SND1: variants seen among roughly 807,000 people sequenced by gnomAD.
The protein encoded by SND1 is staphylococcal nuclease and tudor domain containing 1.
A neutral mutation model predicts 121.7 loss-of-function variants in SND1; 38 were observed. The ratio of observed to expected loss-of-function variants is 0.31; its 90% CI spans 0.24 to 0.41. The LOEUF is 0.41. SND1 is among the 10% of genes least tolerant of loss of function. SND1 has a pLI of 1.00. For synonymous variants in SND1, 401 were observed against 447.4 expected (o/e 0.90, Z 1.31); for missense variants, 868 against 1,184.6 (o/e 0.73, Z 3.92).
At chr7:127,947,216 CA>C (rs1370024832) in intron 15 of SND1, among the ~76,000 whole-genome samples, 2 of 152,096 alleles carry the variant, frequency 1.3e-5, no homozygotes, top group African/African-American at 2.4e-5. Flanking sequence ...GAGATGTTAT[CA>C]GGGGTGAAAG....
rs114226558 is a variant in SND1, at chr7:127,936,100, G to A, written c.1669+6771G>A. On this transcript the variant is annotated intron_variant, in intron 15 of 23. Coordinates refer to ENST00000354725, the MANE Select transcript of SND1 (RefSeq NM_014390.4). ...GGTGGGGCTAGAGAAGTCAGCTGTAGCCAACAGGTCAGTGCCTCCTGAACG... is the reference window on the plus strand; with the variant it reads ...GGTGGGGCTAGAGAAGTCAGCTGTAACCAACAGGTCAGTGCCTCCTGAACG... Among the ~76,000 whole-genome samples the A allele has an allele frequency of 5.1e-3, 777 of 152,304 alleles. 15 individuals are homozygous for A. The highest frequency in any genetic ancestry group is 0.018 in the African/African-American group (744 of 41,562).
chr7:127,940,708 C>T (rs1326162085), intron 15 of SND1, among the ~76,000 whole-genome samples: 1 of 152,196 alleles, frequency 6.6e-6, no homozygotes. Context: ...GGTCATTGCT[C>T]ACCTTGAGTT....
intron 12 of SND1, among the ~76,000 whole-genome samples, chr7:127,866,153 A>AT (rs554115044): frequency 1.3e-5 from 2 of 152,268 alleles, no homozygotes; most frequent in African/African-American, 4.8e-5. Context: ...ATTCCTTTTC[A>AT]TATCGGCCAG....
intron 3 of SND1, among the ~76,000 whole-genome samples, chr7:127,697,150 A>G (rs1482602578): frequency 2.0e-5 from 3 of 152,192 alleles, no homozygotes; most frequent in African/African-American, 7.2e-5. Flanking sequence ...TTTGAAGACA[A>G]TATAATCACC....
At chr7:127,757,373 G>A (rs1255390926) in intron 10 of SND1, among the ~76,000 whole-genome samples, 1 of 152,160 alleles carries the variant, frequency 6.6e-6, no homozygotes, top group Non-Finnish European at 1.5e-5. Flanking sequence ...TGATAAAGCT[G>A]CTAATGAACA....
intron 15 of SND1, chr7:127,949,041 C>G (rs1218112537): frequency 6.6e-6 from 1 of 152,178 alleles, no homozygotes; most frequent in African/African-American, 2.4e-5. Context: ...TAGTAATTGC[C>G]AATACTGCTT....
intron 16 of SND1, among the ~76,000 whole-genome samples, chr7:127,994,147 C>T (rs1028502936): frequency 1.3e-5 from 2 of 152,176 alleles, no homozygotes; most frequent in Non-Finnish European, 2.9e-5. Flanking sequence ...AGTCTTTTAT[C>T]TCCGTTTTCA....
At chr7:127,752,387 G>A (rs184243441) in intron 10 of SND1, among the ~76,000 whole-genome samples, 3 of 152,244 alleles carry the variant, frequency 2.0e-5, no homozygotes, top group East Asian at 1.9e-4. Flanking sequence ...TACCTATTGT[G>A]TGCCAGCTAT....
intron 16 of SND1, among the ~76,000 whole-genome samples, chr7:128,034,890 T>A (rs1306095295): frequency 1.3e-5 from 2 of 152,242 alleles, no homozygotes; most frequent in East Asian, 3.8e-4. Context: ...CATCTAGCTA[T>A]GGCATCTTGC....
chr7:127,976,090 G>A (rs1003694169), intron 15 of SND1, among the ~76,000 whole-genome samples: 3 of 152,178 alleles, frequency 2.0e-5, no homozygotes, highest in African/African-American at 7.2e-5. Context: ...AGTGAGCACA[G>A]ACAAGTGCAC....
intron 12 of SND1, among the ~76,000 whole-genome samples, chr7:127,864,062 A>G (rs1460855187): frequency 6.6e-6 from 1 of 152,124 alleles, no homozygotes; most frequent in Non-Finnish European, 1.5e-5. Context: ...CTTGAGCAGA[A>G]CTTTTCTGAA....
chr7:127,773,720 G>T (rs1328481488), intron 10 of SND1, among the ~76,000 whole-genome samples: 1 of 152,058 alleles, frequency 6.6e-6, no homozygotes, highest in Admixed American at 6.6e-5. Context: ...GTTGAATTGT[G>T]CCCTCGCAGA....
At chr7:128,016,143 TC>T (rs199948481) in intron 16 of SND1, among the ~76,000 whole-genome samples, 3,185 of 138,414 alleles carry the variant, frequency 0.023, 192 homozygotes, top group African/African-American at 0.075. Flanking sequence ...AGGAACAACT[TC>T]CTTTTTTTTT....
chr7:127,862,754 T>A (rs1584626023), intron 12 of SND1, among the ~76,000 whole-genome samples: 1 of 150,840 alleles, frequency 6.6e-6, no homozygotes, highest in Non-Finnish European at 1.5e-5. Flanking sequence ...GTGTTGCGGA[T>A]GGATGGGTGC....
intron 1 of SND1, among the ~76,000 whole-genome samples, chr7:127,652,739 A>T (rs756906867): frequency 6.6e-6 from 1 of 152,218 alleles, no homozygotes; most frequent in East Asian, 1.9e-4. Context: ...TGATTGATTA[A>T]CAGAGACAAT....
At chr7:127,855,989 G>A (rs1185617244) in intron 12 of SND1, among the ~76,000 whole-genome samples, 1 of 152,156 alleles carries the variant, frequency 6.6e-6, no homozygotes, top group Non-Finnish European at 1.5e-5. Context: ...TGTTCCATTG[G>A]AGGCACTTTG....
chr7:127,680,283 T>C (rs1277577561), intron 1 of SND1, among the ~76,000 whole-genome samples: 2 of 152,196 alleles, frequency 1.3e-5, no homozygotes, highest in Non-Finnish European at 2.9e-5. Flanking sequence ...TTAAAATTGC[T>C]AATGAAGTTT....
At chr7:127,856,807 G>A (rs916068043) in intron 12 of SND1, among the ~76,000 whole-genome samples, 2 of 152,090 alleles carry the variant, frequency 1.3e-5, no homozygotes, top group Admixed American at 6.5e-5. Context: ...AATGAAAAAG[G>A]GATCATTTTG....
At position 128,029,342 on chromosome 7, in the gene SND1, G is replaced by A. The variant is rs1217588631; in HGVS notation, c.1779+38286G>A. 2.5e-6 allele frequency: 4 copies of A among 1,614,196 alleles called. No individual in the cohort carries two copies. Among genetic ancestry groups the A allele is most frequent in the Middle Eastern group, 1.6e-4 (1 of 6,062 alleles). The stretch of plus-strand genomic sequence containing the variant: ...TCACATTGAGGTAGGCCGAGGCGTT[G>A]GAGTTGCCTGCAACATTGGTCACCA... On this transcript the variant is annotated intron_variant, in intron 16 of 23. Coordinates refer to ENST00000354725, the MANE Select transcript of SND1 (RefSeq NM_014390.4). The surrounding 1 kb of genome is among the most constrained non-coding windows in gnomAD (Gnocchi z 4.2).
Sources: gnomAD v4.1 joint callset for allele counts (sites outside exome capture counted in the v4.1 genomes callset) on GRCh38, gnomAD v4.1.1 for gene constraint, Gnocchi (gnomAD v3.1) non-coding constraint, MANE v1.5 for transcripts, NCBI Gene and HGNC (gene_info 2026-07-23, HGNC 2026-07-21) for gene names.